SSB: variants seen among roughly 807,000 people sequenced by gnomAD.
SSB encodes the protein lupus La protein.
A neutral mutation model predicts 52.9 loss-of-function variants in SSB; 17 were observed. That is an observed-to-expected ratio of 0.32 (90% CI 0.22 to 0.48). The LOEUF is 0.48. Ranked by LOEUF, SSB falls within the 20% of genes least tolerant of loss-of-function variation. The pLI is 0.99. For missense variants in SSB, 314 were observed against 463.6 expected (o/e 0.68, Z 2.96); for synonymous variants, 111 against 152.1 (o/e 0.73, Z 1.99).
intron 6 of SSB, 91 bp from the exon 7 acceptor site, chr2:169,808,391 C>T: frequency 1.0e-6 from 1 of 971,722 alleles, no homozygotes; most frequent in Non-Finnish European, 1.6e-6. Flanking sequence ...GTGCAACATT[C>T]ATTGCTGTGC....
At chr2:169,805,090 A>G (rs1689801148) in intron 2 of SSB, among the ~76,000 whole-genome samples, 1 of 152,128 alleles carries the variant, frequency 6.6e-6, no homozygotes. Context: ...AGTTCATGCC[A>G]CTGCACTCCA....
Position 169,805,700 on chromosome 2 carries a change from T to C in SSB, c.206T>C (p.Val69Ala). 1 of 1,614,094 alleles carries C rather than the reference T, an allele frequency of 6.2e-7. No homozygotes were observed. The highest frequency in any genetic ancestry group is 8.5e-7 in the Non-Finnish European group (1 of 1,180,016). ...CTAACAACAGACTTTAATGTAATTG[T>C]GGAAGCATTGAGCAAATCCAAGGCA... ...NRLTTDFNVI[V>A]EALSKSKAEL... The change falls in exon 4 of 12, where the codon GTG becomes GCG. Residue 69 changes from valine to alanine, a missense_variant. Val to Ala is a moderately conservative substitution (Grantham distance 64, BLOSUM62 0). Transcript: ENST00000260956.
chr2:169,810,191 C>CT (rs1463740037), intron 8 of SSB, 92 bp from the exon 9 acceptor site: 13 of 927,550 alleles, frequency 1.4e-5, no homozygotes, highest in Non-Finnish European at 1.9e-5. Flanking sequence ...GGTTTCTAGT[C>CT]TTTTTCTTGT....
At chr2:169,802,130 G>A (rs540650991) in intron 2 of SSB, among the ~76,000 whole-genome samples, 181 of 152,188 alleles carry the variant, frequency 1.2e-3, no homozygotes, top group African/African-American at 4.0e-3. Context: ...GGCTGCAGTG[G>A]CTGTGATCAT....
chr2:169,801,916 C>A (rs1056499228), intron 2 of SSB, among the ~76,000 whole-genome samples: 2 of 152,108 alleles, frequency 1.3e-5, no homozygotes, highest in African/African-American at 4.8e-5. Flanking sequence ...TAACGTAATA[C>A]CTCAAGTGAT....
intron 6 of SSB, 116 bp from the exon 7 acceptor site, chr2:169,808,366 G>T: frequency 4.3e-6 from 3 of 702,060 alleles, no homozygotes; most frequent in Non-Finnish European, 7.0e-6. Context: ...TGATGATTAT[G>T]TTGATAGTAA....
chr2:169,811,962 A>C lies in SSB; in HGVS notation c.*206A>C, dbSNP rs1689976011. On this transcript the variant is annotated 3_prime_UTR_variant, in exon 12 of 12. Coordinates refer to ENST00000260956, the MANE Select transcript of SSB (RefSeq NM_003142.5). The stretch of plus-strand genomic sequence containing the variant: ...CTGTTTGTGTTATTTCAGATGATTC[A>C]AATATCAAAAGGAAGATTCTTCCAT... 7.7e-7 allele frequency: 1 copy of C among 1,298,498 alleles called. No homozygotes were observed. Among genetic ancestry groups the C allele is most frequent in the Non-Finnish European group, 1.1e-6 (1 of 928,976 alleles). 80.4% of individuals were successfully genotyped at this position (1,298,498 alleles called of 1,614,324 possible).
chr2:169,804,174 G>C (rs1224351649), intron 2 of SSB, among the ~76,000 whole-genome samples: 1 of 150,846 alleles, frequency 6.6e-6, no homozygotes, highest in Non-Finnish European at 1.5e-5. Flanking sequence ...AGTCATACTT[G>C]GGTTTTTCCT....
intron 8 of SSB, 186 bp from the exon 9 acceptor site, chr2:169,810,097 T>A: frequency 2.9e-6 from 1 of 343,542 alleles, no homozygotes; most frequent in Admixed American, 4.6e-5. Flanking sequence ...AACTACTTTA[T>A]TTATTTATTA....
intron 8 of SSB, among the ~76,000 whole-genome samples, chr2:169,809,186 G>A (rs946453931): frequency 2.0e-5 from 3 of 152,222 alleles, no homozygotes; most frequent in African/African-American, 7.2e-5. Flanking sequence ...TTCGAGACCA[G>A]CCTGGCCAAT....
chr2:169,805,197 T>G (rs1689804846), intron 2 of SSB, among the ~76,000 whole-genome samples: 1 of 152,234 alleles, frequency 6.6e-6, no homozygotes, highest in African/African-American at 2.4e-5. Flanking sequence ...ATCTGTTCTT[T>G]CCACACTGAT....
At chr2:169,806,730 G>T (rs887099558) in intron 4 of SSB, 55 bp from the exon 5 acceptor site, 1 of 1,364,238 alleles carries the variant, frequency 7.3e-7, no homozygotes, top group Non-Finnish European at 1.0e-6. Context: ...CTCTCCAATT[G>T]TTTATCTGAG....
intron 9 of SSB, 128 bp downstream of exon 9, chr2:169,810,551 GCC>G: frequency 3.5e-6 from 3 of 847,250 alleles, no homozygotes; most frequent in Non-Finnish European, 5.5e-6. Flanking sequence ...ATTTGTTATT[GCC>G]ACTAGATGTG....
chr2:169,809,662 G>A (rs760671755), intron 8 of SSB, among the ~76,000 whole-genome samples: 7 of 151,792 alleles, frequency 4.6e-5, no homozygotes, highest in South Asian at 2.1e-4. Flanking sequence ...GCCCAGGCTG[G>A]AGTGCAGTGG....
chr2:169,804,238 AAC>A lies in SSB; in HGVS notation c.67-1235_67-1234del, dbSNP rs1491388891. Among the ~76,000 whole-genome samples the A allele has an allele frequency of 3.3e-5, 4 of 120,594 alleles. No individual in the cohort carries two copies. The Admixed American group carries it at 4.3e-4, about 13-fold the overall frequency. The allele number at this position is 120,594 out of a possible 152,430, so 79.1% of individuals were successfully genotyped here. A position where few individuals can be genotyped will look rare whatever the true frequency, so the allele number is the denominator to read the frequency against. Reference sequence around the variant, plus strand: ...CTTAAATTTGAGAAACATTTACTTTAACTTTTTTTTTTTTTTTTTTTTTTGAG... The same window carrying A: ...CTTAAATTTGAGAAACATTTACTTTATTTTTTTTTTTTTTTTTTTTTTGAG... On this transcript the variant is annotated intron_variant, in intron 2 of 11. Transcript: ENST00000260956.
At chr2:169,808,616 C>T (rs1689878687) in intron 7 of SSB, 63 bp downstream of exon 7, 1 of 1,408,950 alleles carries the variant, frequency 7.1e-7, no homozygotes, top group South Asian at 1.2e-5. Flanking sequence ...AGAAATATAG[C>T]TGGTGAGCTC....
At chr2:169,802,414 G>A (rs1689731355) in intron 2 of SSB, among the ~76,000 whole-genome samples, 1 of 146,324 alleles carries the variant, frequency 6.8e-6, no homozygotes, top group Admixed American at 6.8e-5. Context: ...TCTCAGAACT[G>A]CTTTTTTTTT....
At chr2:169,807,737 CTTTTTT>C (rs55845251) in intron 6 of SSB, among the ~76,000 whole-genome samples, 4,038 of 74,054 alleles carry the variant, frequency 0.055, 78 homozygotes, top group Middle Eastern at 0.083. Flanking sequence ...GCCTATATGT[CTTTTTT>C]TTTTTTTTTT....
rs1359864396 is a variant in SSB at position 169,806,848 on chromosome 2, G to A, written c.409G>A (p.Val137Ile). The A allele has an allele frequency of 1.2e-6, 2 of 1,613,472 alleles. No individual in the cohort carries two copies. The highest frequency in any genetic ancestry group is 1.1e-5 in the South Asian group (1 of 90,858). Residue 137 changes from valine (V) to isoleucine (I), a missense_variant, in exon 5 of 12, where the codon GTA becomes ATA. Physicochemically the swap from Val to Ile is conservative, Grantham distance 29 (BLOSUM62 3). Transcript: ENST00000260956. The stretch of plus-strand genomic sequence containing the variant: ...AGAATGGTTAGAAGATAAAGGTCAA[G>A]TACTAAATATTCAGATGAGAAGAAC... ...IKEWLEDKGQVLNIQMRRTLH... is the reference protein window; with the variant it reads ...IKEWLEDKGQILNIQMRRTLH...
Sources: allele counts gnomAD v4.1 joint callset (sites outside exome capture counted in the v4.1 genomes callset), GRCh38; gene constraint gnomAD v4.1.1; transcripts MANE v1.5; gene names NCBI Gene and HGNC (gene_info 2026-07-23, HGNC 2026-07-21).